The following VPS13B variants were observed in gnomAD, a reference collection of about 807,000 sequenced individuals.
The protein encoded by VPS13B is vacuolar protein sorting 13 homolog B.
In VPS13B, 285 loss-of-function variants were observed where a neutral mutation model predicts 426.4. The observed-to-expected ratio is 0.67, with a 90% confidence interval of 0.61 to 0.74. The LOEUF (loss-of-function observed/expected upper bound fraction) is 0.74. VPS13B is among the 30% of genes least tolerant of loss of function. VPS13B has a pLI of 0.00. For synonymous variants in VPS13B, 1,676 were observed against 1,676.4 expected, an observed-to-expected ratio of 1.00 and a Z score of 0.01; for missense variants, 4,537 against 4,782.6, an observed-to-expected ratio of 0.95 and a Z score of 1.51.
At chr8:99,093,417 T>C (rs965055231) in intron 3 of VPS13B, among the ~76,000 whole-genome samples, 18 of 152,086 alleles carry the variant, frequency 1.2e-4, no homozygotes, top group Admixed American at 1.1e-3. Flanking sequence ...TTAGGGTACA[T>C]GTGCACAATG....
chr8:99,463,762 G>A (rs1240771843), intron 23 of VPS13B, among the ~76,000 whole-genome samples: 1 of 152,002 alleles, frequency 6.6e-6, no homozygotes, highest in Non-Finnish European at 1.5e-5. Context: ...GCATGATCTC[G>A]GTTCACTGGA....
At chr8:99,735,218 T>C (rs1833774150) in intron 39 of VPS13B, among the ~76,000 whole-genome samples, 1 of 152,188 alleles carries the variant, frequency 6.6e-6, no homozygotes, top group African/African-American at 2.4e-5. Context: ...AAAAACTCAT[T>C]GTATCTAGTA....
At chr8:99,741,077 C>A (rs1237712992) in intron 39 of VPS13B, among the ~76,000 whole-genome samples, 1 of 152,080 alleles carries the variant, frequency 6.6e-6, no homozygotes, top group Non-Finnish European at 1.5e-5. Flanking sequence ...TTCAGGAAGC[C>A]CATCTCATGT....
chr8:99,166,885 T>G (rs1180170060), intron 15 of VPS13B, among the ~76,000 whole-genome samples: 1 of 152,188 alleles, frequency 6.6e-6, no homozygotes, highest in Admixed American at 6.5e-5. Flanking sequence ...TAGAAAAGAA[T>G]GCAGTGCCCA....
At chr8:99,515,978 C>G (rs1048071085) in intron 29 of VPS13B, among the ~76,000 whole-genome samples, 1 of 151,906 alleles carries the variant, frequency 6.6e-6, no homozygotes, top group African/African-American at 2.4e-5. Flanking sequence ...TTTTTGTGTT[C>G]AGCCTTTGCA....
intron 16 of VPS13B, among the ~76,000 whole-genome samples, chr8:99,170,546 G>A (rs370029644): frequency 1.3e-4 from 20 of 151,720 alleles, no homozygotes; most frequent in East Asian, 3.9e-4. Context: ...TAATAATTTC[G>A]TATATATTCA....
intron 33 of VPS13B, 88 bp downstream of exon 33, chr8:99,577,721 T>G: frequency 4.1e-6 from 6 of 1,445,988 alleles, no homozygotes; most frequent in Non-Finnish European, 5.8e-6. Flanking sequence ...GCTGACTGCT[T>G]TCTGCTTAAT....
intron 19 of VPS13B, among the ~76,000 whole-genome samples, chr8:99,369,310 A>G (rs374084964): frequency 1.1e-4 from 17 of 152,374 alleles, no homozygotes; most frequent in African/African-American, 3.6e-4. Flanking sequence ...TATGTTGACC[A>G]AATTATATGC....
chr8:99,095,891 T>G (rs939346104), intron 3 of VPS13B, among the ~76,000 whole-genome samples: 3 of 152,126 alleles, frequency 2.0e-5, no homozygotes, highest in Non-Finnish European at 4.4e-5. Context: ...ATGACCAAGA[T>G]AGCTTGGATT....
At chr8:99,758,010 T>C (rs1810730840) in intron 39 of VPS13B, among the ~76,000 whole-genome samples, 1 of 152,242 alleles carries the variant, frequency 6.6e-6, no homozygotes, top group Admixed American at 6.5e-5. Context: ...TAAACTATTT[T>C]TTTGGCACCA....
At chr8:99,489,699 CTGTT>C (rs1330209595) in intron 25 of VPS13B, among the ~76,000 whole-genome samples, 2 of 152,068 alleles carry the variant, frequency 1.3e-5, no homozygotes, top group Admixed American at 6.6e-5. Flanking sequence ...ATTTGGCTCT[CTGTT>C]TGTCTGTTAT....
intron 6 of VPS13B, among the ~76,000 whole-genome samples, chr8:99,114,584 C>T (rs1429051803): frequency 6.6e-6 from 1 of 152,190 alleles, no homozygotes; most frequent in Non-Finnish European, 1.5e-5. Context: ...AGCAGACATG[C>T]ATACTCCTTT....
At chr8:99,861,499 G>C (rs1816830308) in intron 57 of VPS13B, among the ~76,000 whole-genome samples, 1 of 152,180 alleles carries the variant, frequency 6.6e-6, no homozygotes, top group African/African-American at 2.4e-5. Context: ...ACAGGGTTTT[G>C]CCATGTTGCC....
intron 58 of VPS13B, among the ~76,000 whole-genome samples, chr8:99,867,034 A>T (rs1234205604): frequency 6.6e-6 from 1 of 152,198 alleles, no homozygotes; most frequent in Non-Finnish European, 1.5e-5. Context: ...TGAATCTGTC[A>T]ATGCATAAAC....
At chr8:99,413,563 C>A (rs563758431) in intron 21 of VPS13B, among the ~76,000 whole-genome samples, 2 of 152,212 alleles carry the variant, frequency 1.3e-5, no homozygotes, top group South Asian at 2.1e-4. Flanking sequence ...CTCCTGTGGG[C>A]ATTTAGTGCT....
At position 99,640,043 on chromosome 8, in the gene VPS13B, G is replaced by GAAGAAGAAGAGAA. The variant is rs372915682; in HGVS notation, c.5221-1761_5221-1760insAGAGAAAAGAAGA. On this transcript the variant is annotated intron_variant, in intron 33 of 61. Transcript: ENST00000357162. ...ATAATAATAAGAAGAAGAAGAAGAA[G>GAAGAAGAAGAGAA]AAGAAGAGAAAAGAAAAGAAAAGAA... Among the ~76,000 whole-genome samples the GAAGAAGAAGAGAA allele has an allele frequency of 3.1e-3, 256 of 82,174 alleles. 1 individual carries two copies. The highest frequency in any genetic ancestry group is 0.01 in the Middle Eastern group (2 of 196). 53.9% of individuals were successfully genotyped at this position (82,174 alleles called of 152,430 possible). A position where few individuals can be genotyped will look rare whatever the true frequency, so the allele number is the denominator to read the frequency against.
intron 33 of VPS13B, among the ~76,000 whole-genome samples, chr8:99,630,857 T>G (rs888244078): frequency 6.6e-6 from 1 of 152,064 alleles, no homozygotes; most frequent in Non-Finnish European, 1.5e-5. Flanking sequence ...AAGTGGCCTT[T>G]AGACAGTGGA....
At chr8:99,653,489 A>G (rs554837036) in intron 34 of VPS13B, among the ~76,000 whole-genome samples, 20 of 150,032 alleles carry the variant, frequency 1.3e-4, no homozygotes, top group Non-Finnish European at 2.4e-4. Context: ...TTTTCACTGA[A>G]TAGCACCTTG....
chr8:99,425,238 C>T (rs552879174), intron 21 of VPS13B, among the ~76,000 whole-genome samples: 1 of 152,214 alleles, frequency 6.6e-6, no homozygotes, highest in South Asian at 2.1e-4. Context: ...ATCCTGATAC[C>T]AAAGCCTGGC....
Sources: gnomAD v4.1 joint callset for allele counts (sites outside exome capture counted in the v4.1 genomes callset) on GRCh38, gnomAD v4.1.1 for gene constraint, MANE v1.5 for transcripts, NCBI Gene and HGNC (gene_info 2026-07-23, HGNC 2026-07-21) for gene names.